Variants in NCOA2 observed in about 807,000 individuals in gnomAD.
NCOA2 encodes the protein nuclear receptor coactivator 2.
In NCOA2, 21 loss-of-function variants were observed where a neutral mutation model predicts 145.1. That is an observed-to-expected ratio of 0.14 (90% CI 0.10 to 0.21). NCOA2 has a LOEUF of 0.21. Among genes scored for constraint, NCOA2 ranks in the 10% least tolerant of loss-of-function variants. The pLI is 1.00. For missense variants in NCOA2, 1,472 were observed against 1,837.6 expected (o/e 0.80, Z 3.64); for synonymous variants, 619 against 637.5 (o/e 0.97, Z 0.44).
rs1017885328 is a variant in NCOA2, at chr8:70,255,826, A to G, written c.-19-39062T>C. On this transcript the variant is annotated intron_variant, in intron 2 of 22. Transcript: ENST00000452400. ...GGTGAGAGTCGGGGGCAGATTAGGC[A>G]TAACGATGAATCACACACAAAGAAG... Among the ~76,000 whole-genome samples, 3 of 152,196 alleles carry G rather than the reference A, an allele frequency of 2.0e-5. No individual in the cohort carries two copies. The East Asian group carries it at 5.8e-4, about 29-fold the overall frequency.
At chr8:70,130,483 T>C (rs555182467) in intron 16 of NCOA2, among the ~76,000 whole-genome samples, 16 of 152,346 alleles carry the variant, frequency 1.1e-4, no homozygotes, top group African/African-American at 3.8e-4. Flanking sequence ...GGCTGAATTC[T>C]AACTATCACT....
intron 1 of NCOA2, among the ~76,000 whole-genome samples, chr8:70,304,856 CT>C (rs34611471): frequency 0.16 from 20,202 of 125,588 alleles, 1,729 homozygotes; most frequent in East Asian, 0.39. Context: ...AAGTAACTAG[CT>C]TTTTTTTTTT....
chr8:70,214,768 C>CA (rs1819420572), intron 3 of NCOA2, among the ~76,000 whole-genome samples: 1 of 152,002 alleles, frequency 6.6e-6, no homozygotes, highest in Non-Finnish European at 1.5e-5. Flanking sequence ...CAAAATCTTC[C>CA]ATTAGAATGT....
At chr8:70,169,013 C>T (rs1325858147) in intron 6 of NCOA2, among the ~76,000 whole-genome samples, 1 of 152,184 alleles carries the variant, frequency 6.6e-6, no homozygotes, top group Non-Finnish European at 1.5e-5. Flanking sequence ...AGGACCTTTT[C>T]CTACTTATTA....
chr8:70,113,696 ACAT>A (rs1044753076), intron 22 of NCOA2, 53 bp from the exon 23 acceptor site: 2 of 1,514,994 alleles, frequency 1.3e-6, no homozygotes, highest in Non-Finnish European at 1.8e-6. Context: ...TTTGAAAAAA[ACAT>A]CATAAAGCCC....
At chr8:70,403,206 C>G (rs1396042400) in intron 1 of NCOA2, among the ~76,000 whole-genome samples, 1 of 151,374 alleles carries the variant, frequency 6.6e-6, no homozygotes, top group African/African-American at 2.4e-5. Context: ...ACCTTCTCGG[C>G]TCTGCCGCGC....
chr8:70,275,846 T>C (rs1825423516), intron 2 of NCOA2, among the ~76,000 whole-genome samples: 1 of 152,326 alleles, frequency 6.6e-6, no homozygotes, highest in East Asian at 1.9e-4. Flanking sequence ...GTCATAGATA[T>C]ATAGATAGAC....
At chr8:70,299,999 T>C (rs1318850604) in intron 1 of NCOA2, among the ~76,000 whole-genome samples, 2 of 152,160 alleles carry the variant, frequency 1.3e-5, no homozygotes, top group African/African-American at 4.8e-5. Context: ...TCAAAAACAT[T>C]ATGCTAAATG....
At chr8:70,160,900 T>A (rs770340235) in intron 9 of NCOA2, among the ~76,000 whole-genome samples, 1 of 152,234 alleles carries the variant, frequency 6.6e-6, no homozygotes, top group African/African-American at 2.4e-5. Context: ...TTGCACAAAG[T>A]GTCTAAAAGA....
At chr8:70,317,451 C>T (rs1805688098) in intron 1 of NCOA2, among the ~76,000 whole-genome samples, 1 of 152,190 alleles carries the variant, frequency 6.6e-6, no homozygotes, top group South Asian at 2.1e-4. Flanking sequence ...AACACTGTGG[C>T]ATTTCCCTCT....
At chr8:70,360,525 A>G (rs890795206) in intron 1 of NCOA2, among the ~76,000 whole-genome samples, 7 of 152,196 alleles carry the variant, frequency 4.6e-5, no homozygotes, top group Non-Finnish European at 8.8e-5. Flanking sequence ...TTTTATGTTC[A>G]TGGTTATTTC....
chr8:70,276,040 T>C lies in NCOA2; in HGVS notation c.-20+20704A>G, dbSNP rs1825440180. Among the ~76,000 whole-genome samples the C allele has an allele frequency of 2.6e-5, 4 of 152,218 alleles. No homozygotes were observed. In the South Asian group the frequency reaches 8.3e-4, roughly 31 times the overall value. ...GAATTGTTCCTCTTTCTATGAATGA[T>C]TCCCTAATTATCAGAGACATATTTC... is the stretch of plus-strand genomic sequence containing the variant. On this transcript the variant is annotated intron_variant, in intron 2 of 22. Coordinates refer to ENST00000452400, the MANE Select transcript of NCOA2 (RefSeq NM_006540.4).
In NCOA2 at chr8:70,110,795, C is replaced by A. The variant is rs1323342579; in HGVS notation, c.*2837G>T. 1 of 224,984 alleles carries A rather than the reference C, an allele frequency of 4.4e-6. No homozygotes were observed. Among genetic ancestry groups the A allele is most frequent in the Non-Finnish European group, 8.8e-6 (1 of 113,006 alleles). The allele number at this position is 224,984 out of a possible 1,614,324, so 13.9% of individuals were successfully genotyped here. ...GTCAAACGAATTCATTGTAGTAAAA[C>A]AGCTCACTTCACTTTTTAAACTTAC... On this transcript the variant is annotated 3_prime_UTR_variant, in exon 23 of 23. Transcript: ENST00000452400.
At chr8:70,242,909 A>G (rs1314138546) in intron 2 of NCOA2, among the ~76,000 whole-genome samples, 2 of 152,094 alleles carry the variant, frequency 1.3e-5, no homozygotes, top group Non-Finnish European at 2.9e-5. Context: ...AGACCCGATT[A>G]TAATATTTGT....
chr8:70,360,003 T>C (rs1348840071), intron 1 of NCOA2, among the ~76,000 whole-genome samples: 1 of 152,190 alleles, frequency 6.6e-6, no homozygotes, highest in African/African-American at 2.4e-5. Context: ...TGCAATCCCT[T>C]AGGAAAGAGA....
the NCOA2 span, among the ~76,000 whole-genome samples, chr8:70,420,606 G>C: frequency 6.6e-6 from 1 of 152,132 alleles, no homozygotes; most frequent in African/African-American, 2.4e-5. Context: ...CCTTCAGGAG[G>C]CTGGGGGTGG....
intron 11 of NCOA2, among the ~76,000 whole-genome samples, chr8:70,155,305 G>C (rs987722807): frequency 6.6e-6 from 1 of 152,118 alleles, no homozygotes; most frequent in Admixed American, 6.5e-5. Context: ...GTTTAGTTAA[G>C]AATAAAGAGA....
the NCOA2 span, among the ~76,000 whole-genome samples, chr8:70,444,483 A>C: frequency 6.6e-6 from 1 of 152,220 alleles, no homozygotes; most frequent in East Asian, 1.9e-4. Flanking sequence ...CTGAGTATAT[A>C]CACACACCCC....
chr8:70,255,496 A>G (rs1242999896), intron 2 of NCOA2, among the ~76,000 whole-genome samples: 1 of 152,230 alleles, frequency 6.6e-6, no homozygotes, highest in Non-Finnish European at 1.5e-5. Flanking sequence ...CAGTTTATTT[A>G]TATTTTACTG....
Sources: gnomAD v4.1 joint callset for allele counts (sites outside exome capture counted in the v4.1 genomes callset) on GRCh38, gnomAD v4.1.1 for gene constraint, MANE v1.5 for transcripts, NCBI Gene and HGNC (gene_info 2026-07-23, HGNC 2026-07-21) for gene names.